The following WDR70 variants were observed in gnomAD, a reference collection of about 807,000 sequenced individuals.
WDR70 encodes the protein WD repeat domain 70.
A neutral mutation model predicts 88.6 loss-of-function variants in WDR70; 53 were observed. The observed-to-expected ratio is 0.60, with a 90% CI of 0.48 to 0.75. WDR70 has a LOEUF of 0.75. Ranked by LOEUF, WDR70 falls within the 30% of genes least tolerant of loss-of-function variation. The pLI is 0.00. For synonymous variants in WDR70, 280 were observed against 270.0 expected (o/e 1.04, Z -0.36); for missense variants, 610 against 823.2 (o/e 0.74, Z 3.17).
chr5:37,563,809 C>G (rs1202449731), intron 9 of WDR70, among the ~76,000 whole-genome samples: 8 of 129,552 alleles, frequency 6.2e-5, no homozygotes, highest in African/African-American at 2.1e-4. Flanking sequence ...ACTTCTCAGA[C>G]GGTGTGGCTG....
intron 10 of WDR70, among the ~76,000 whole-genome samples, chr5:37,668,362 A>G (rs1053179385): frequency 3.3e-5 from 5 of 152,214 alleles, no homozygotes; most frequent in Non-Finnish European, 7.3e-5. Context: ...AAGATTATAA[A>G]TTAGAGTCTC....
chr5:37,503,612 T>C (rs1376680079), intron 8 of WDR70, among the ~76,000 whole-genome samples: 4 of 152,256 alleles, frequency 2.6e-5, no homozygotes, highest in African/African-American at 4.8e-5. Context: ...TTCTTTCTTG[T>C]GGCTGCATAA....
At chr5:37,608,767 C>T (rs547326232) in intron 10 of WDR70, among the ~76,000 whole-genome samples, 1 of 152,162 alleles carries the variant, frequency 6.6e-6, no homozygotes, top group Admixed American at 6.5e-5. Flanking sequence ...CTATGTAACC[C>T]AGGCTGGTCT....
intron 10 of WDR70, among the ~76,000 whole-genome samples, chr5:37,693,016 A>T (rs1746856473): frequency 6.6e-6 from 1 of 152,194 alleles, no homozygotes; most frequent in African/African-American, 2.4e-5. Flanking sequence ...ACTTCAGCAA[A>T]CTCTCGGGAT....
At chr5:37,628,030 T>C (rs1744714192) in intron 10 of WDR70, among the ~76,000 whole-genome samples, 1 of 152,224 alleles carries the variant, frequency 6.6e-6, no homozygotes, top group African/African-American at 2.4e-5. Context: ...GCTCAAACGA[T>C]ACTCCTTCCT....
At chr5:37,707,903 G>A (rs1457945998) in intron 13 of WDR70, among the ~76,000 whole-genome samples, 2 of 106,990 alleles carry the variant, frequency 1.9e-5, no homozygotes, top group African/African-American at 6.8e-5. Context: ...GACAGGGTGA[G>A]ACTCTGTCTC....
chr5:37,515,773 C>G (rs1472392222), intron 8 of WDR70, among the ~76,000 whole-genome samples: 2 of 152,168 alleles, frequency 1.3e-5, no homozygotes, highest in Admixed American at 1.3e-4. Context: ...TCTTTTCTAT[C>G]CCACGTAAAT....
chr5:37,573,125 T>G (rs1381477700), intron 9 of WDR70, among the ~76,000 whole-genome samples: 1 of 152,232 alleles, frequency 6.6e-6, no homozygotes, highest in Non-Finnish European at 1.5e-5. Context: ...TTAACAGCAC[T>G]TGTTAAAGCT....
Position 37,749,830 on chromosome 5 carries a change from G to GAAAA in WDR70, c.1878-2649_1878-2646dup, listed in dbSNP as rs61354861. Among the ~76,000 whole-genome samples the GAAAA allele has an allele frequency of 2.6e-3, 367 of 142,302 alleles. 1 individual carries two copies. The highest frequency in any genetic ancestry group is 0.016 in the East Asian group (79 of 4,840). 93.4% of individuals were successfully genotyped at this position (142,302 alleles called of 152,430 possible). A position where few individuals can be genotyped will look rare whatever the true frequency, so the allele number is the denominator to read the frequency against. ...GAATTAACTGAGTTCAATACTAGGT[G>GAAAA]AAAAAAAAAACCAAAAACGCAGTAT... On this transcript the variant is annotated intron_variant, in intron 17 of 17. Coordinates refer to ENST00000265107, the MANE Select transcript of WDR70 (RefSeq NM_018034.4).
chr5:37,519,503 C>T (rs866533770), intron 9 of WDR70, among the ~76,000 whole-genome samples: 12 of 143,014 alleles, frequency 8.4e-5, no homozygotes, highest in East Asian at 6.4e-4. Flanking sequence ...ACTGGGCGGC[C>T]GGGCGGAGGC....
rs762225720 is a variant in WDR70, at chr5:37,379,459, T to A, written c.26-30T>A. 9 of 1,613,866 alleles carry A rather than the reference T, an allele frequency of 5.6e-6. No individual in the cohort carries two copies. In the African/African-American group the frequency reaches 1.2e-4, roughly 22 times the overall value. Reference sequence around the variant, plus strand: ...GGGGGAGCTGGGGCGCCGCACTAACTAGGCCGCCTCTCTTTTCCTCTTGCT... The same window carrying A: ...GGGGGAGCTGGGGCGCCGCACTAACAAGGCCGCCTCTCTTTTCCTCTTGCT... On this transcript the variant is annotated intron_variant, in intron 1 of 17. Coordinates refer to ENST00000265107, the MANE Select transcript of WDR70 (RefSeq NM_018034.4).
chr5:37,415,376 C>A (rs1302840198), intron 5 of WDR70, among the ~76,000 whole-genome samples: 3 of 134,542 alleles, frequency 2.2e-5, no homozygotes, highest in Non-Finnish European at 5.1e-5. Flanking sequence ...AGGCACCCCT[C>A]ACCTCCCGGA....
In WDR70 at chr5:37,391,448, C is replaced by G. The variant is rs527997211; in HGVS notation, c.176-552C>G. Among the ~76,000 whole-genome samples the G allele has an allele frequency of 2.0e-5, 3 of 152,312 alleles. No individual in the cohort carries two copies. In the South Asian group the frequency reaches 6.2e-4, roughly 32 times the overall value. Reference sequence around the variant, plus strand: ...CCTCTAGCCTCTGATAACCACCATTCTACTTTTTGTCTCTGACTTTGACTA... The same window carrying G: ...CCTCTAGCCTCTGATAACCACCATTGTACTTTTTGTCTCTGACTTTGACTA... On this transcript the variant is annotated intron_variant, in intron 3 of 17. Coordinates refer to ENST00000265107, the MANE Select transcript of WDR70 (RefSeq NM_018034.4).
chr5:37,726,821 A>T lies in WDR70; in HGVS notation c.1715-62A>T, dbSNP rs10051811. On this transcript the variant is annotated intron_variant, in intron 16 of 17. Coordinates refer to ENST00000265107, the MANE Select transcript of WDR70 (RefSeq NM_018034.4). ...GCTCAGATAAGTACAGTGTACACAG[A>T]TATACCTATGTATCCTCATGCTCAT... 27,494 of 1,486,848 alleles carry T rather than the reference A, an allele frequency of 0.018. 2,940 individuals carry two copies. In the African/African-American group the frequency reaches 0.28, roughly 15 times the overall value. The allele number at this position is 1,486,848 out of a possible 1,614,324, so 92.1% of individuals were successfully genotyped here.
intron 13 of WDR70, among the ~76,000 whole-genome samples, chr5:37,705,416 C>T (rs1747293440): frequency 6.6e-6 from 1 of 151,956 alleles, no homozygotes; most frequent in Non-Finnish European, 1.5e-5. Context: ...TTATGAGATC[C>T]ATTGTAATAG....
chr5:37,480,083 T>G (rs1270155910), intron 8 of WDR70, 96 bp downstream of exon 8: 2 of 1,448,446 alleles, frequency 1.4e-6, no homozygotes, highest in Non-Finnish European at 9.3e-7. Context: ...CAAAAGTTAG[T>G]GTCATAAAAC....
At chr5:37,535,436 C>A (rs981448661) in intron 9 of WDR70, among the ~76,000 whole-genome samples, 3 of 151,880 alleles carry the variant, frequency 2.0e-5, no homozygotes, top group Non-Finnish European at 4.4e-5. Context: ...AGGACAGGGC[C>A]ACTGAAATAA....
intron 5 of WDR70, among the ~76,000 whole-genome samples, chr5:37,412,375 G>A (rs977141471): frequency 6.6e-6 from 1 of 152,076 alleles, no homozygotes; most frequent in Admixed American, 6.6e-5. Flanking sequence ...TGACAAGAGT[G>A]AGACTCCATC....
chr5:37,576,130 C>T (rs1365953570), intron 9 of WDR70, among the ~76,000 whole-genome samples: 1 of 135,704 alleles, frequency 7.4e-6, no homozygotes, highest in Non-Finnish European at 1.6e-5. Context: ...TCCCTCCGCC[C>T]TCCTTCCCCC....
Sources: allele counts gnomAD v4.1 joint callset (sites outside exome capture counted in the v4.1 genomes callset), GRCh38; gene constraint gnomAD v4.1.1; transcripts MANE v1.5; gene names NCBI Gene and HGNC (gene_info 2026-07-23, HGNC 2026-07-21).